Variants in GRAMD1B observed in about 807,000 individuals in gnomAD.
GRAMD1B encodes the protein protein Aster-B.
Under a neutral mutation model 99.7 loss-of-function variants are expected in GRAMD1B, and 37 were observed. The ratio of observed to expected loss-of-function variants is 0.37; its 90% CI spans 0.29 to 0.49. The LOEUF (loss-of-function observed/expected upper bound fraction) is 0.49. Among genes scored for constraint, GRAMD1B ranks in the 20% least tolerant of loss-of-function variants. The probability of loss-of-function intolerance (pLI) is 0.98; values close to 1 mark genes in which losing one functional copy is unlikely to be tolerated. For missense variants in GRAMD1B, 888 were observed against 1,009.2 expected (o/e 0.88, Z 1.63); for synonymous variants, 427 against 387.6 (o/e 1.10, Z -1.19).
chr11:123,438,550 G>A (rs544588254), intron 1 of GRAMD1B, among the ~76,000 whole-genome samples: 2 of 152,324 alleles, frequency 1.3e-5, no homozygotes, highest in South Asian at 4.1e-4. Context: ...GGCTGTAGAT[G>A]TGGTTTCTAG....
At chr11:123,406,351 T>A (rs1163107377) in intron 1 of GRAMD1B, among the ~76,000 whole-genome samples, 1 of 152,134 alleles carries the variant, frequency 6.6e-6, no homozygotes. Context: ...CCGACTGGGT[T>A]CAAGTGATTC....
intron 2 of GRAMD1B, among the ~76,000 whole-genome samples, chr11:123,496,747 C>T (rs1939335275): frequency 6.6e-6 from 1 of 151,862 alleles, no homozygotes; most frequent in Non-Finnish European, 1.5e-5. Context: ...GAGTCTGATG[C>T]ATTCTTCAGC....
At chr11:123,381,660 A>G (rs1048689663) in intron 1 of GRAMD1B, 1 of 152,488 alleles carries the variant, frequency 6.6e-6, no homozygotes, top group East Asian at 1.9e-4. Context: ...GAGTTACAGC[A>G]AAGGCTCTAA....
chr11:123,609,572 T>C (rs1311222996), intron 12 of GRAMD1B, among the ~76,000 whole-genome samples: 1 of 152,226 alleles, frequency 6.6e-6, no homozygotes, highest in Non-Finnish European at 1.5e-5. Context: ...ATCAGCATTC[T>C]GGAGCATTGT....
chr11:123,582,784 T>C (rs1949519865), intron 3 of GRAMD1B, among the ~76,000 whole-genome samples: 1 of 152,196 alleles, frequency 6.6e-6, no homozygotes, highest in Non-Finnish European at 1.5e-5. Flanking sequence ...CGTAGTCGCT[T>C]CCTTCCCTCT....
At chr11:123,369,479 T>A (rs755787597) in intron 1 of GRAMD1B, among the ~76,000 whole-genome samples, 1 of 151,928 alleles carries the variant, frequency 6.6e-6, no homozygotes, top group African/African-American at 2.4e-5. Context: ...GGGATTAAAT[T>A]TGTAGAAGGA....
intron 3 of GRAMD1B, among the ~76,000 whole-genome samples, chr11:123,580,911 T>C (rs1949285743): frequency 1.3e-5 from 2 of 151,750 alleles, no homozygotes; most frequent in South Asian, 4.2e-4. Flanking sequence ...CTTTTTTTTT[T>C]TTTTCAAATC....
At chr11:123,408,125 C>T (rs564049441) in intron 1 of GRAMD1B, among the ~76,000 whole-genome samples, 1 of 152,272 alleles carries the variant, frequency 6.6e-6, no homozygotes, top group Non-Finnish European at 1.5e-5. Flanking sequence ...GACTGTGTAG[C>T]CTAATGGTAA....
chr11:123,573,357 C>A (rs552924594), intron 2 of GRAMD1B, among the ~76,000 whole-genome samples: 1 of 152,158 alleles, frequency 6.6e-6, no homozygotes, highest in South Asian at 2.1e-4. Flanking sequence ...AATGCCAAAT[C>A]CTCTTTTTAG....
At chr11:123,554,498 G>A (rs1945949434) in intron 2 of GRAMD1B, among the ~76,000 whole-genome samples, 2 of 148,904 alleles carry the variant, frequency 1.3e-5, no homozygotes, top group Admixed American at 1.3e-4. Flanking sequence ...AGAGCAGCCT[G>A]GGCAACATAG....
At chr11:123,431,252 G>C (rs1042464281) in intron 1 of GRAMD1B, 86 bp downstream of exon 1, 13 of 606,398 alleles carry the variant, frequency 2.1e-5, no homozygotes, top group African/African-American at 2.0e-4. Context: ...TGGGGGAAAC[G>C]TCCTGGGGGA....
intron 1 of GRAMD1B, among the ~76,000 whole-genome samples, chr11:123,373,967 C>T (rs1430813128): frequency 1.3e-5 from 2 of 152,166 alleles, no homozygotes; most frequent in Non-Finnish European, 2.9e-5. Flanking sequence ...CAGTTAACAG[C>T]CATGTAGTCA....
In GRAMD1B at chr11:123,584,328, A is replaced by G; in HGVS notation, c.680A>G (p.Tyr227Cys). Residue 227 changes from tyrosine to cysteine, a missense_variant, in exon 4 of 20, where the codon TAT (tyrosine) becomes TGT (cysteine). Coordinates refer to ENST00000635736, the MANE Select transcript of GRAMD1B (RefSeq NM_001387025.1). ...TCTTTTCAGAAAAGCCAGAGTTGGT[A>G]TAATGTAAGTATTCCTGTTTCCCTT... ...GKNSKKSQSW[Y>C]NVLSPTYKQR... 1 of 604,498 alleles carries G rather than the reference A, an allele frequency of 1.7e-6. No homozygotes were observed. The highest frequency in any genetic ancestry group is 2.1e-6 in the Non-Finnish European group (1 of 475,190). 37.4% of individuals were successfully genotyped at this position (604,498 alleles called of 1,614,324 possible).
intron 6 of GRAMD1B, 106 bp downstream of exon 6, chr11:123,594,944 C>T (rs1261105258): frequency 1.0e-5 from 7 of 690,736 alleles, no homozygotes; most frequent in Middle Eastern, 2.5e-4. Context: ...CAAGCCTTTG[C>T]GTAATTAACA....
chr11:123,469,363 G>T (rs1950869811), intron 1 of GRAMD1B, among the ~76,000 whole-genome samples: 1 of 152,198 alleles, frequency 6.6e-6, no homozygotes, highest in African/African-American at 2.4e-5. Context: ...GGGGAGGGCA[G>T]TGAAGAGCCT....
intron 1 of GRAMD1B, among the ~76,000 whole-genome samples, chr11:123,456,477 A>G (rs1035589578): frequency 7.9e-5 from 12 of 152,138 alleles, no homozygotes; most frequent in African/African-American, 2.7e-4. Context: ...TTCCTGTTTG[A>G]AAAAGAAAAA....
chr11:123,432,958 G>T (rs951110442), intron 1 of GRAMD1B, among the ~76,000 whole-genome samples: 1 of 152,138 alleles, frequency 6.6e-6, no homozygotes, highest in Non-Finnish European at 1.5e-5. Flanking sequence ...TTTTGTGGAC[G>T]CTGGGGATAG....
At chr11:123,508,134 C>T (rs548620914) in intron 2 of GRAMD1B, among the ~76,000 whole-genome samples, 1 of 152,224 alleles carries the variant, frequency 6.6e-6, no homozygotes, top group African/African-American at 2.4e-5. Flanking sequence ...ACACCACAGG[C>T]TGAGTAATTG....
chr11:123,533,969 A>G (rs183388598), intron 2 of GRAMD1B, among the ~76,000 whole-genome samples: 12 of 152,324 alleles, frequency 7.9e-5, no homozygotes, highest in African/African-American at 2.9e-4. Flanking sequence ...ACTAATACGA[A>G]AAGTTTGAGG....
Sources: gnomAD v4.1 joint callset for allele counts (sites outside exome capture counted in the v4.1 genomes callset) on GRCh38, gnomAD v4.1.1 for gene constraint, MANE v1.5 for transcripts, NCBI Gene and HGNC (gene_info 2026-07-23, HGNC 2026-07-21) for gene names.